The following ZZZ3 variants were observed in gnomAD, a reference collection of about 807,000 sequenced individuals.
The protein encoded by ZZZ3 is zinc finger ZZ-type containing 3.
A neutral mutation model predicts 95.2 loss-of-function variants in ZZZ3; 22 were observed. The ratio of observed to expected loss-of-function variants is 0.23; its 90% CI spans 0.17 to 0.33. The LOEUF is 0.33. ZZZ3 is among the 10% of genes least tolerant of loss of function. The pLI, the probability that ZZZ3 is intolerant of heterozygous loss-of-function variation, is 1.00. For missense variants in ZZZ3, 885 were observed against 1,066.5 expected (o/e 0.83, Z 2.37); for synonymous variants, 335 against 358.9 (o/e 0.93, Z 0.75).
upstream of ZZZ3, among the ~76,000 whole-genome samples, chr1:77,682,969 C>G (rs994333452): frequency 6.6e-6 from 1 of 152,142 alleles, no homozygotes; most frequent in African/African-American, 2.4e-5. Flanking sequence ...ACATTTTCGG[C>G]GTGCCCGTCA....
At chr1:77,609,061 T>G (rs1034444460) in intron 5 of ZZZ3, among the ~76,000 whole-genome samples, 5 of 152,090 alleles carry the variant, frequency 3.3e-5, no homozygotes, top group African/African-American at 4.8e-5. Flanking sequence ...GTAAATGGAC[T>G]AAATTCTCCA....
chr1:77,566,802 C>T (rs1456384517), intron 13 of ZZZ3, among the ~76,000 whole-genome samples: 1 of 152,164 alleles, frequency 6.6e-6, no homozygotes, highest in Non-Finnish European at 1.5e-5. Flanking sequence ...TCTTTCTCAG[C>T]GTGGTGGCAT....
Position 77,679,721 on chromosome 1 carries a change from C to T in ZZZ3, c.-403+2864G>A, listed in dbSNP as rs532106872. On this transcript the variant is annotated intron_variant, in intron 1 of 14. Coordinates refer to ENST00000370801, the MANE Select transcript of ZZZ3 (RefSeq NM_015534.6). ...TCCTCTGATCACTGAAGTTCATTAGCTCTCATCATTTATATGACCGTAATA... is the reference window on the plus strand; with the variant it reads ...TCCTCTGATCACTGAAGTTCATTAGTTCTCATCATTTATATGACCGTAATA... Among the ~76,000 whole-genome samples, 3 of 152,290 alleles carry T rather than the reference C, an allele frequency of 2.0e-5. No homozygotes were observed. The South Asian group carries it at 6.2e-4, about 32-fold the overall frequency.
rs1490563972 is a variant in ZZZ3 at position 77,582,948 on chromosome 1, T to TA, written c.1645-823dup. On this transcript the variant is annotated intron_variant, in intron 6 of 14. Transcript: ENST00000370801. ...GGTGAAACCCAGTCTCTACTAAAAA[T>TA]AAAAAAATTAGCCAGGTGTAGTACA... Among the ~76,000 whole-genome samples the TA allele has an allele frequency of 7.3e-5, 11 of 151,720 alleles. No individual in the cohort carries two copies. The East Asian group carries it at 1.6e-3, about 21-fold the overall frequency.
chr1:77,682,782 T>C (rs1672914155), upstream of ZZZ3: 1 of 152,274 alleles, frequency 6.6e-6, no homozygotes, highest in Non-Finnish European at 1.5e-5. Context: ...AGCACTTCAC[T>C]AACGGAGTAG....
rs1049989146 is a variant in ZZZ3 at position 77,624,479 on chromosome 1, G to T, written c.1505+7371C>A. On this transcript the variant is annotated intron_variant, in intron 5 of 14. Transcript: ENST00000370801. ...TGCCTGAGAAATGAAGCTCCATTTT[G>T]AAAAACCCCTAAAAGACAAAGTTTA... Among the ~76,000 whole-genome samples, 3 of 94,734 alleles carry T rather than the reference G, an allele frequency of 3.2e-5. No individual in the cohort carries two copies. In the Admixed American group the frequency reaches 4.0e-4, roughly 13 times the overall value. 62.1% of individuals were successfully genotyped at this position (94,734 alleles called of 152,430 possible).
intron 5 of ZZZ3, among the ~76,000 whole-genome samples, chr1:77,618,730 C>A (rs1198865277): frequency 1.3e-5 from 2 of 152,154 alleles, no homozygotes; most frequent in African/African-American, 4.8e-5. Context: ...ATTACCTTAA[C>A]TTTATTGTCC....
At chr1:77,577,198 G>C (rs1662046957) in intron 11 of ZZZ3, among the ~76,000 whole-genome samples, 1 of 152,124 alleles carries the variant, frequency 6.6e-6, no homozygotes, top group Admixed American at 6.6e-5. Flanking sequence ...AGCAATCATT[G>C]TAAATATAGC....
At position 77,581,720 on chromosome 1, in the gene ZZZ3, T is replaced by C. The variant is rs967057661; in HGVS notation, c.1908+56A>G. On this transcript the variant is annotated intron_variant, in intron 8 of 14. Transcript: ENST00000370801. ...TTAAGAACACAAACCAGCAAAATGT[T>C]AAATTGTTTTGTCTAAAATTCAAAT... 2.9e-6 allele frequency: 4 copies of C among 1,364,242 alleles called. No homozygotes were observed. In the African/African-American group the frequency reaches 5.8e-5, roughly 20 times the overall value. The allele number at this position is 1,364,242 out of a possible 1,614,324, so 84.5% of individuals were successfully genotyped here. A position where few individuals can be genotyped will look rare whatever the true frequency, so the allele number is the denominator to read the frequency against.
intron 12 of ZZZ3, among the ~76,000 whole-genome samples, chr1:77,575,672 C>A (rs1293868119): frequency 6.6e-6 from 1 of 152,076 alleles, no homozygotes; most frequent in Non-Finnish European, 1.5e-5. Flanking sequence ...GATTTATGGG[C>A]TTTATTTGGA....
At chr1:77,674,903 G>T (rs1203911066) in intron 1 of ZZZ3, among the ~76,000 whole-genome samples, 3 of 141,836 alleles carry the variant, frequency 2.1e-5, no homozygotes, top group Non-Finnish European at 4.5e-5. Context: ...AGTGAGCCGA[G>T]ATCACACCAC....
chr1:77,576,120 T>C lies in ZZZ3; in HGVS notation c.2279A>G (p.Asp760Gly). 1.2e-6 allele frequency: 2 copies of C among 1,613,058 alleles called. No individual in the cohort carries two copies. Among genetic ancestry groups the C allele is most frequent in the Non-Finnish European group, 8.5e-7 (1 of 1,179,736 alleles). Residue 760 changes from aspartate (D) to glycine (G), a missense_variant, in exon 12 of 15, where the codon GAT becomes GGT. Transcript: ENST00000370801. ...GTGGCTATGAAAACAAGATCGGTCA[T>C]CATCTTCATCCATATACACTGGCGG... ...HEPPVYMDED[D>G]DRSCFHSHMN...
rs975444551 is a variant in ZZZ3, at chr1:77,596,311, A to C, written c.1506-11656T>G. Among the ~76,000 whole-genome samples the C allele has an allele frequency of 2.0e-5, 3 of 152,264 alleles. No homozygotes were observed. The East Asian group carries it at 5.8e-4, about 29-fold the overall frequency. Reference sequence around the variant, plus strand: ...CATTATATGACAATTCATAAAAGGCAAAACTACAGAGACAATAAAAACATC... The same window carrying C: ...CATTATATGACAATTCATAAAAGGCCAAACTACAGAGACAATAAAAACATC... On this transcript the variant is annotated intron_variant, in intron 5 of 14. Coordinates refer to ENST00000370801, the MANE Select transcript of ZZZ3 (RefSeq NM_015534.6).
chr1:77,678,641 T>C (rs1406618014), intron 1 of ZZZ3, among the ~76,000 whole-genome samples: 1 of 152,212 alleles, frequency 6.6e-6, no homozygotes, highest in Non-Finnish European at 1.5e-5. Flanking sequence ...TCTACTATAG[T>C]TCCACCTACT....
chr1:77,636,924 T>G (rs77450220), intron 4 of ZZZ3, among the ~76,000 whole-genome samples: 72 of 152,308 alleles, frequency 4.7e-4, no homozygotes, highest in African/African-American at 1.6e-3. Context: ...AGTGCTAGGA[T>G]TGTCAAATTC....
intron 5 of ZZZ3, among the ~76,000 whole-genome samples, chr1:77,586,192 A>G (rs563747101): frequency 2.0e-5 from 3 of 152,294 alleles, no homozygotes; most frequent in South Asian, 2.1e-4. Flanking sequence ...GGGTGATGGT[A>G]GTGATCTGAA....
chr1:77,673,532 G>A (rs1671975307), intron 1 of ZZZ3, among the ~76,000 whole-genome samples: 1 of 152,152 alleles, frequency 6.6e-6, no homozygotes, highest in East Asian at 1.9e-4. Flanking sequence ...AGGAGCTGGA[G>A]GTCGCAGTGA....
chr1:77,587,195 T>C (rs1484328334), intron 5 of ZZZ3, among the ~76,000 whole-genome samples: 1 of 151,586 alleles, frequency 6.6e-6, no homozygotes, highest in Non-Finnish European at 1.5e-5. Flanking sequence ...TACTAGTCCA[T>C]CTAGTTTTTT....
chr1:77,644,155 T>G (rs1364679342), intron 1 of ZZZ3, among the ~76,000 whole-genome samples: 3 of 152,040 alleles, frequency 2.0e-5, no homozygotes, highest in East Asian at 3.9e-4. Flanking sequence ...AGCCTCTGCC[T>G]CCTGGATTCA....
Sources: gnomAD v4.1 joint callset for allele counts (sites outside exome capture counted in the v4.1 genomes callset) on GRCh38, gnomAD v4.1.1 for gene constraint, MANE v1.5 for transcripts, NCBI Gene and HGNC (gene_info 2026-07-23, HGNC 2026-07-21) for gene names.